The following BMX variants were observed in gnomAD, a reference collection of about 807,000 sequenced individuals.
The protein encoded by BMX is BMX non-receptor tyrosine kinase, also known as cytoplasmic tyrosine-protein kinase BMX.
A neutral mutation model predicts 59.2 loss-of-function variants in BMX; 31 were observed. The observed-to-expected ratio is 0.52, with a 90% CI of 0.39 to 0.71. The LOEUF (loss-of-function observed/expected upper bound fraction) is 0.71. Ranked by LOEUF, BMX falls within the 30% of genes least tolerant of loss-of-function variation. BMX has a pLI of 0.00. For missense variants in BMX, 474 were observed against 491.7 expected (o/e 0.96, Z 0.34); for synonymous variants, 185 against 181.0 (o/e 1.02, Z -0.18).
intron 3 of BMX, among the ~76,000 whole-genome samples, chrX:15,510,543 C>G (rs750146800): frequency 3.0e-4 from 33 of 110,848 alleles, no homozygotes; most frequent in African/African-American, 1.1e-3. Context: ...AAAAATTACC[C>G]AATTGGGGGA....
intron 1 of BMX, among the ~76,000 whole-genome samples, chrX:15,501,834 C>T (rs16997067): frequency 0.09 from 9,951 of 111,090 alleles, 1,071 homozygotes; most frequent in African/African-American, 0.3. Context: ...GGAAAGTCTG[C>T]GACAAACCTA....
intron 5 of BMX, 74 bp downstream of exon 5, chrX:15,516,305 A>G (rs1924153125): frequency 8.8e-7 from 1 of 1,140,508 alleles, no homozygotes; most frequent in African/African-American, 1.8e-5. Context: ...GCCAGAGGCC[A>G]GAAGAGCTTG....
rs780740683 is a variant in BMX at position 15,516,149 on chromosome X, T to C, written c.363T>C (p.His121=). 5.0e-6 allele frequency: 6 copies of C among 1,210,069 alleles called. No individual in the cohort carries two copies. In the African/African-American group the frequency reaches 8.7e-5, roughly 18 times the overall value. The change falls in exon 5 of 19, where the codon CAT becomes CAC. Residue 121 remains histidine (H), a synonymous_variant. Coordinates refer to ENST00000348343, the MANE Select transcript of BMX (RefSeq NM_203281.3). ...RGNPHLLVKY[H]SGFFVDGKFL... ...ACCCCCACCTGCTGGTCAAGTACCA[T>C]AGTGGGTTCTTCGTGGACGGGAAGT...
chrX:15,549,706 T>A, intron 17 of BMX, 134 bp from the exon 18 acceptor site: 2 of 708,832 alleles, frequency 2.8e-6, no homozygotes, highest in Non-Finnish European at 4.1e-6. Flanking sequence ...TCGCTGGGAC[T>A]CATTTCCCAG....
At chrX:15,520,412 G>A (rs1021977390) in intron 6 of BMX, among the ~76,000 whole-genome samples, 1 of 111,620 alleles carries the variant, frequency 9.0e-6, no homozygotes, top group Non-Finnish European at 1.9e-5. Context: ...TAGGTATGAA[G>A]GATCTTATTG....
rs1354775392 is a variant in BMX, at chrX:15,556,026, T to C, written c.1954-47T>C. 4 of 1,095,778 alleles carry C rather than the reference T, an allele frequency of 3.7e-6. No homozygotes were observed. In the Admixed American group the frequency reaches 1.0e-4, roughly 27 times the overall value. The allele number at this position is 1,095,778 out of a possible 1,213,427, so 90.3% of individuals were successfully genotyped here. On this transcript the variant is annotated intron_variant, in intron 18 of 18. Transcript: ENST00000348343. Reference sequence around the variant, plus strand: ...ATTTTATATATTTTATCATTGATCATAACTCTCATCATCTAAAACATTGGG... The same window carrying C: ...ATTTTATATATTTTATCATTGATCACAACTCTCATCATCTAAAACATTGGG...
intron 14 of BMX, among the ~76,000 whole-genome samples, chrX:15,539,447 A>C (rs1489446146): frequency 1.8e-5 from 2 of 110,837 alleles, no homozygotes; most frequent in African/African-American, 6.6e-5. Context: ...TGTTCAAAGA[A>C]TATTTCTTTA....
At chrX:15,505,432 G>A in intron 1 of BMX, among the ~76,000 whole-genome samples, 1 of 111,917 alleles carries the variant, frequency 8.9e-6, no homozygotes, top group Non-Finnish European at 1.9e-5. Context: ...GGCTTCAGGT[G>A]TTTGTTACAC....
At chrX:15,504,799 C>T (rs1251247495) in intron 1 of BMX, among the ~76,000 whole-genome samples, 1 of 111,856 alleles carries the variant, frequency 8.9e-6, no homozygotes, top group African/African-American at 3.3e-5. Flanking sequence ...CTAGTTTCAT[C>T]TGTTTATGGA....
intron 1 of BMX, among the ~76,000 whole-genome samples, chrX:15,503,942 G>A (rs979649599): frequency 2.7e-5 from 3 of 111,915 alleles, no homozygotes; most frequent in East Asian, 2.8e-4. Context: ...GGGTGGGGGT[G>A]TTCTGGCCTA....
At chrX:15,537,326 G>C (rs369703021) in intron 14 of BMX, 21 bp downstream of exon 14, 2 of 1,207,262 alleles carry the variant, frequency 1.7e-6, no homozygotes, top group African/African-American at 3.5e-5. Context: ...CCCAAGGAAT[G>C]GCTGTTTAGC....
intron 2 of BMX, among the ~76,000 whole-genome samples, chrX:15,508,856 C>T (rs1602324141): frequency 9.0e-6 from 1 of 111,632 alleles, no homozygotes; most frequent in Non-Finnish European, 1.9e-5. Context: ...AAGAATGCAG[C>T]TAACCATCCT....
chrX:15,546,767 G>A (rs772995792), intron 16 of BMX, 36 bp from the exon 17 acceptor site: 11 of 1,129,229 alleles, frequency 9.7e-6, no homozygotes, highest in Non-Finnish European at 1.1e-5. Flanking sequence ...GTACCACCAC[G>A]GCTTAAGGTC....
chrX:15,546,578 A>G (rs749491025), intron 16 of BMX, among the ~76,000 whole-genome samples: 4 of 111,990 alleles, frequency 3.6e-5, no homozygotes, highest in Non-Finnish European at 5.6e-5. Context: ...GTGTTTTTCT[A>G]TATTTACCAA....
intron 13 of BMX, 75 bp downstream of exon 13, chrX:15,536,502 C>CAAA: frequency 1.6e-5 from 10 of 628,070 alleles, no homozygotes; most frequent in East Asian, 4.1e-5. Flanking sequence ...AATTTACTGG[C>CAAA]AAAAAAAAAA....
chrX:15,504,105 C>T (rs1923661294), intron 1 of BMX, among the ~76,000 whole-genome samples: 1 of 111,919 alleles, frequency 8.9e-6, no homozygotes, highest in African/African-American at 3.3e-5. Context: ...TTTCAATGTG[C>T]TCCCTTCTAA....
intron 1 of BMX, among the ~76,000 whole-genome samples, chrX:15,507,849 T>G (rs1314351879): frequency 8.9e-6 from 1 of 111,861 alleles, no homozygotes; most frequent in African/African-American, 3.3e-5. Context: ...TAATTTATGT[T>G]AAAGATCTGG....
intron 1 of BMX, among the ~76,000 whole-genome samples, chrX:15,501,763 A>G (rs1284024167): frequency 1.8e-5 from 2 of 111,680 alleles, no homozygotes; most frequent in African/African-American, 6.5e-5. Flanking sequence ...ATATGGTGGC[A>G]CAAATACACA....
chrX:15,543,500 G>A (rs1325060073), intron 16 of BMX, among the ~76,000 whole-genome samples: 1 of 111,029 alleles, frequency 9.0e-6, no homozygotes, highest in Non-Finnish European at 1.9e-5. Flanking sequence ...ATACAGGCAT[G>A]CAATGTGAAA....
Sources: allele counts gnomAD v4.1 joint callset (sites outside exome capture counted in the v4.1 genomes callset), GRCh38; gene constraint gnomAD v4.1.1; transcripts MANE v1.5; gene names NCBI Gene and HGNC (gene_info 2026-07-23, HGNC 2026-07-21).